Variants in DCHS2 observed in about 807,000 individuals in gnomAD.
The protein encoded by DCHS2 is protocadherin-23.
Under a neutral mutation model 182.4 loss-of-function variants are expected in DCHS2, and 142 were observed. That is an observed-to-expected ratio of 0.78 (90% CI 0.68 to 0.89). The LOEUF is 0.89. DCHS2 is among the 40% of genes least tolerant of loss of function. The pLI is 0.00. For synonymous variants in DCHS2, 1,740 were observed against 1,663.3 expected, an observed-to-expected ratio of 1.05 and a Z score of -1.12; for missense variants, 4,319 against 4,198.6, an observed-to-expected ratio of 1.03 and a Z score of -0.79.
chr4:154,435,955 A>G lies in DCHS2; in HGVS notation c.2052+53349T>C, dbSNP rs998255955. Among the ~76,000 whole-genome samples the G allele has an allele frequency of 1.1e-4, 17 of 152,348 alleles. 1 individual carries two copies. The highest frequency in any genetic ancestry group is 4.1e-4 in the African/African-American group (17 of 41,590). The stretch of plus-strand genomic sequence containing the variant: ...TAGGATAGCTAAGTGTTGAAGGCAT[A>G]CAATATAATCATATATAACATCGTG... On this transcript the variant is annotated intron_variant, in intron 1 of 19. Transcript: ENST00000357232.
Position 154,234,588 on chromosome 4 carries a change from T to C in DCHS2, c.10064A>G (p.His3355Arg). 6.2e-7 allele frequency: 1 copy of C among 1,613,984 alleles called. No homozygotes were observed. The highest frequency in any genetic ancestry group is 1.3e-5 in the African/African-American group (1 of 75,056). Residue 3355 changes from histidine to arginine, a missense_variant, in exon 20 of 20, where the codon CAC (histidine) becomes CGC (arginine). Coordinates refer to ENST00000357232, the MANE Select transcript of DCHS2 (RefSeq NM_001358235.2). ...AAGTTCATGGCATGTACCACTGATG[T>C]GTGTTCCTAATAATTCTCCTTCTCT... ...LLREGELLGT[H>R]ISGTCHELKA...
chr4:154,383,833 A>C lies in DCHS2; in HGVS notation c.2053-6389T>G, dbSNP rs72968039. Among the ~76,000 whole-genome samples the C allele has an allele frequency of 5.4e-3, 821 of 152,314 alleles. 5 individuals carry two copies. The highest frequency in any genetic ancestry group is 0.018 in the African/African-American group (728 of 41,564). ...AACTCAGCAAAATTTGTGAAAAAAA[A>C]TAAAAACGTCTCAGAGCCCAGTAAA... On this transcript the variant is annotated intron_variant, in intron 1 of 19. Transcript: ENST00000357232.
intron 13 of DCHS2, among the ~76,000 whole-genome samples, chr4:154,286,932 A>G (rs1734431908): frequency 2.0e-5 from 3 of 152,154 alleles, no homozygotes; most frequent in Non-Finnish European, 4.4e-5. Context: ...CCAAATGTCA[A>G]GGATAAAGAA....
At chr4:154,336,715 C>A (rs1450471745) in intron 3 of DCHS2, among the ~76,000 whole-genome samples, 1 of 152,162 alleles carries the variant, frequency 6.6e-6, no homozygotes, top group Non-Finnish European at 1.5e-5. Context: ...AACACATACT[C>A]ATTTTCCTTT....
intron 13 of DCHS2, among the ~76,000 whole-genome samples, chr4:154,282,813 G>C (rs1452951001): frequency 6.6e-6 from 1 of 152,018 alleles, no homozygotes; most frequent in Non-Finnish European, 1.5e-5. Flanking sequence ...TAGCCAAAAC[G>C]TAGTATATAC....
intron 1 of DCHS2, among the ~76,000 whole-genome samples, chr4:154,382,712 C>T (rs935894178): frequency 2.0e-5 from 3 of 151,898 alleles, no homozygotes; most frequent in East Asian, 3.9e-4. Flanking sequence ...TCTCAAAAGA[C>T]GACATACAAG....
At position 154,332,862 on chromosome 4, in the gene DCHS2, C is replaced by A. The variant is rs754718479; in HGVS notation, c.3346G>T (p.Ala1116Ser). 6.2e-7 allele frequency: 1 copy of A among 1,614,096 alleles called. No homozygotes were observed. The highest frequency in any genetic ancestry group is 1.3e-5 in the African/African-American group (1 of 74,926). Residue 1116 changes from alanine (A) to serine (S), a missense_variant, in exon 5 of 20, where the codon GCA becomes TCA. Transcript: ENST00000357232. The part of the protein sequence containing the change: ...TQAHPLGPQR[A>S]ASPLRYSLEP... ...AGCGAGTACCTAAGAGGCGAGGCTG[C>A]ACGCTGGGGGCCAAGTGGGTGCGCC...
At position 154,332,649 on chromosome 4, in the gene DCHS2, TGTCATTCTCATCC is replaced by T. The variant is rs764145529; in HGVS notation, c.3546_3558del (p.Trp1182Ter). ...ACATCATGCAAGAAGGTGGGGGAAT[TGTCATTCTCATCC>T]CAGACACGAACAATGACTGTAGTGC... On this transcript the variant is annotated frameshift_variant, in exon 5 of 20. Transcript: ENST00000357232. LOFTEE classifies it high-confidence loss of function. The T allele has an allele frequency of 6.2e-7, 1 of 1,614,224 alleles. No individual in the cohort carries two copies. Among genetic ancestry groups the T allele is most frequent in the Non-Finnish European group, 8.5e-7 (1 of 1,180,040 alleles).
intron 10 of DCHS2, among the ~76,000 whole-genome samples, chr4:154,307,992 A>C (rs1461451471): frequency 6.6e-6 from 1 of 152,194 alleles, no homozygotes; most frequent in East Asian, 1.9e-4. Flanking sequence ...TTTTCCTGTC[A>C]GGTCTAGTCT....
intron 1 of DCHS2, among the ~76,000 whole-genome samples, chr4:154,410,060 T>G (rs1356850496): frequency 6.6e-6 from 1 of 152,100 alleles, no homozygotes; most frequent in Non-Finnish European, 1.5e-5. Context: ...TTGGAAGAAG[T>G]GATTATTCCA....
intron 9 of DCHS2, 121 bp from the exon 10 acceptor site, chr4:154,316,108 A>G: frequency 4.9e-6 from 7 of 1,434,108 alleles, no homozygotes; most frequent in Non-Finnish European, 5.5e-6. Context: ...CTGCTAAAAT[A>G]TGAACTGCAT....
Position 154,490,804 on chromosome 4 carries a change from G to C in DCHS2, c.552C>G (p.Thr184=), listed in dbSNP as rs373489427. ...LDVSELSPPG[T]AFRLPVAHDP... ...CGTGGGCAACTGGCAGGCGGAAGGC[G>C]GTCCCTGGCGGGCTGAGCTCGGAGA... Residue 184 remains threonine (T), a synonymous_variant, in exon 1 of 20, where the codon ACC becomes ACG. Transcript: ENST00000357232. 898 of 1,551,530 alleles carry C rather than the reference G, an allele frequency of 5.8e-4. 1 individual carries two copies. The highest frequency in any genetic ancestry group is 7.1e-4 in the Non-Finnish European group (820 of 1,146,888).
At chr4:154,417,196 TGTGTGTGTGAGAGAGAGAGAGA>T (rs1301341216) in intron 1 of DCHS2, among the ~76,000 whole-genome samples, 10 of 66,942 alleles carry the variant, frequency 1.5e-4, no homozygotes, top group African/African-American at 4.3e-4. Context: ...TGTGTGTGTG[TGTGTGTGTGAGAGAGAGAGAGA>T]GAGAGAGAGA....
chr4:154,316,938 A>G (rs1399629986), intron 9 of DCHS2, among the ~76,000 whole-genome samples: 2 of 152,270 alleles, frequency 1.3e-5, no homozygotes, highest in Non-Finnish European at 2.9e-5. Flanking sequence ...GATTCCAATT[A>G]TCACATTTTT....
intron 1 of DCHS2, among the ~76,000 whole-genome samples, chr4:154,460,614 G>A (rs1734973456): frequency 6.6e-6 from 1 of 152,194 alleles, no homozygotes; most frequent in South Asian, 2.1e-4. Flanking sequence ...GCTCTCTTTG[G>A]GGCATCTTAA....
rs1418445964 is a variant in DCHS2 at position 154,491,208 on chromosome 4, G to C, written c.148C>G (p.Leu50Val). The change falls in exon 1 of 20, where the codon CTC becomes GTC. Residue 50 changes from leucine to valine, a missense_variant. Leu to Val is a conservative substitution (Grantham distance 32, BLOSUM62 1). Coordinates refer to ENST00000357232, the MANE Select transcript of DCHS2 (RefSeq NM_001358235.2). ...GCCCACAGCCACACGTGCACCAAGA[G>C]CCAGAGCAGGGAGCGCTGCGTCCTG... ...GARTQRSLLWLLVHVWLWAAS... is the reference protein window; with the variant it reads ...GARTQRSLLWVLVHVWLWAAS... The C allele has an allele frequency of 6.4e-7, 1 of 1,551,470 alleles. No individual in the cohort carries two copies. The highest frequency in any genetic ancestry group is 1.4e-5 in the African/African-American group (1 of 73,162).
rs1736009291 is a variant in DCHS2, at chr4:154,320,392, T to C, written c.5007A>G (p.Leu1669=). Residue 1669 remains leucine (L), a synonymous_variant, in exon 9 of 20, where the codon CTA becomes CTG. Transcript: ENST00000357232. Reference sequence around the variant, plus strand: ...AGGGCACTGTACCTGATGACTCATCTAGCATAAACGTCATGTTTTCATTTC... The same window carrying C: ...AGGGCACTGTACCTGATGACTCATCCAGCATAAACGTCATGTTTTCATTTC... The part of the protein sequence containing the change: ...LSGNENMTFM[L]DESSGLLTTT... The C allele has an allele frequency of 6.2e-7, 1 of 1,613,656 alleles. No homozygotes were observed. The highest frequency in any genetic ancestry group is 8.5e-7 in the Non-Finnish European group (1 of 1,179,698).
intron 7 of DCHS2, among the ~76,000 whole-genome samples, chr4:154,325,337 G>A (rs1201136273): frequency 1.3e-5 from 2 of 151,488 alleles, no homozygotes; most frequent in Non-Finnish European, 2.9e-5. Flanking sequence ...GTGTGTGTGT[G>A]TGTGTGTGTG....
intron 3 of DCHS2, among the ~76,000 whole-genome samples, chr4:154,356,484 C>T (rs938437508): frequency 1.3e-5 from 2 of 152,046 alleles, no homozygotes; most frequent in Admixed American, 6.6e-5. Flanking sequence ...CAGTAATGTC[C>T]TACATCTTCA....
Sources: gnomAD v4.1 joint callset for allele counts (sites outside exome capture counted in the v4.1 genomes callset) on GRCh38, gnomAD v4.1.1 for gene constraint, MANE v1.5 for transcripts, NCBI Gene and HGNC (gene_info 2026-07-23, HGNC 2026-07-21) for gene names.